The following EXOC6B variants were observed in gnomAD, a reference collection of about 807,000 sequenced individuals.
The protein encoded by EXOC6B is exocyst complex component 6B, also known as SEC15 homolog B.
In EXOC6B, 54 loss-of-function variants were observed where a neutral mutation model predicts 113.5. The ratio of observed to expected loss-of-function variants is 0.48; its 90% CI spans 0.38 to 0.60. EXOC6B has a LOEUF of 0.60. Ranked by LOEUF, EXOC6B falls within the 20% of genes least tolerant of loss-of-function variation. The pLI is 0.00. For synonymous variants in EXOC6B, 357 were observed against 339.0 expected, an observed-to-expected ratio of 1.05 and a Z score of -0.58; for missense variants, 797 against 977.5, an observed-to-expected ratio of 0.82 and a Z score of 2.46.
intron 1 of EXOC6B, among the ~76,000 whole-genome samples, chr2:72,749,707 T>G (rs1222799373): frequency 1.3e-5 from 2 of 151,968 alleles, no homozygotes; most frequent in Non-Finnish European, 2.9e-5. Flanking sequence ...GAATAATTTT[T>G]GGAACACTTC....
At chr2:72,741,779 T>C (rs972591000) in intron 1 of EXOC6B, among the ~76,000 whole-genome samples, 3 of 152,228 alleles carry the variant, frequency 2.0e-5, no homozygotes, top group African/African-American at 7.2e-5. Flanking sequence ...CAATTTTAGT[T>C]AAATTCAACT....
At position 72,248,683 on chromosome 2, in the gene EXOC6B, T is replaced by C. The variant is rs144407774; in HGVS notation, c.2197-64496A>G. 4.2e-3 allele frequency among the ~76,000 whole-genome samples: 635 copies of C among 152,352 alleles called. 4 individuals are homozygous for C. Among genetic ancestry groups the C allele is most frequent in the African/African-American group, 0.014 (598 of 41,596 alleles). ...AGAGTAAATGCTCGGTAAGTATTTG[T>C]AGAATAAATGAAAAAGAGTTTTACA... On this transcript the variant is annotated intron_variant, in intron 20 of 21. Coordinates refer to ENST00000272427, the MANE Select transcript of EXOC6B (RefSeq NM_015189.3).
intron 20 of EXOC6B, among the ~76,000 whole-genome samples, chr2:72,310,731 T>C (rs555454928): frequency 1.3e-5 from 2 of 152,284 alleles, no homozygotes; most frequent in South Asian, 4.1e-4. Flanking sequence ...TATTTAAGTA[T>C]GATGCTTCCT....
At chr2:72,755,128 C>T (rs1172844389) in intron 1 of EXOC6B, among the ~76,000 whole-genome samples, 1 of 152,024 alleles carries the variant, frequency 6.6e-6, no homozygotes, top group Non-Finnish European at 1.5e-5. Flanking sequence ...CCTATGAAGC[C>T]ATATGTGGTT....
In EXOC6B at chr2:72,411,101, TA is replaced by T. The variant is rs556504888; in HGVS notation, c.1981-31232del. Among the ~76,000 whole-genome samples the T allele has an allele frequency of 2.4e-3, 372 of 152,024 alleles. 1 individual carries two copies. Among genetic ancestry groups the T allele is most frequent in the African/African-American group, 6.2e-3 (256 of 41,462 alleles). ...GTGCACGCCTGTGGTCCCAGATACT[TA>T]GGAGGTGGAGGTGTGGGAGGGTCTC... On this transcript the variant is annotated intron_variant, in intron 18 of 21. Coordinates refer to ENST00000272427, the MANE Select transcript of EXOC6B (RefSeq NM_015189.3).
chr2:72,260,618 G>A (rs550430818), intron 20 of EXOC6B, among the ~76,000 whole-genome samples: 28 of 152,274 alleles, frequency 1.8e-4, no homozygotes, highest in African/African-American at 6.0e-4. Context: ...AGAAGACTCC[G>A]GCAAGGGGAG....
rs148895710 is a variant in EXOC6B at position 72,403,258 on chromosome 2, C to T, written c.1981-23388G>A. On this transcript the variant is annotated intron_variant, in intron 18 of 21. Transcript: ENST00000272427. ...TCCACACACCTGTAACTTTTTATTT[C>T]ACTTTATAACATTTTGAAACACTGC... Among the ~76,000 whole-genome samples, 745 of 152,288 alleles carry T rather than the reference C, an allele frequency of 4.9e-3. 10 individuals are homozygous for T. Among genetic ancestry groups the T allele is most frequent in the African/African-American group, 0.017 (691 of 41,562 alleles).
At chr2:72,640,464 T>C (rs964885448) in intron 6 of EXOC6B, among the ~76,000 whole-genome samples, 1 of 152,102 alleles carries the variant, frequency 6.6e-6, no homozygotes, top group Non-Finnish European at 1.5e-5. Context: ...CATGAGAACG[T>C]CCCCAACCTA....
At chr2:72,667,102 A>G (rs1675452714) in intron 6 of EXOC6B, among the ~76,000 whole-genome samples, 1 of 152,116 alleles carries the variant, frequency 6.6e-6, no homozygotes, top group African/African-American at 2.4e-5. Context: ...TGACCTCGAG[A>G]TCCACCCGCC....
intron 8 of EXOC6B, among the ~76,000 whole-genome samples, chr2:72,518,279 C>A (rs1701315861): frequency 6.6e-6 from 1 of 152,100 alleles, no homozygotes; most frequent in Non-Finnish European, 1.5e-5. Context: ...TACTTTATAT[C>A]ATTAGTATTA....
rs1682849142 is a variant in EXOC6B, at chr2:72,249,101, A to G, written c.2197-64914T>C. 2.0e-5 allele frequency among the ~76,000 whole-genome samples: 3 copies of G among 152,138 alleles called. No homozygotes were observed. The South Asian group carries it at 6.2e-4, about 31-fold the overall frequency. On this transcript the variant is annotated intron_variant, in intron 20 of 21. Coordinates refer to ENST00000272427, the MANE Select transcript of EXOC6B (RefSeq NM_015189.3). ...CAACATAGTGAGAGCGTGTGCCTCCAAAACAAATTTTAAAATTAGCCAGGC... is the reference window on the plus strand; with the variant it reads ...CAACATAGTGAGAGCGTGTGCCTCCGAAACAAATTTTAAAATTAGCCAGGC...
At chr2:72,485,347 C>T (rs1413587991) in intron 16 of EXOC6B, among the ~76,000 whole-genome samples, 1 of 152,166 alleles carries the variant, frequency 6.6e-6, no homozygotes, top group Non-Finnish European at 1.5e-5. Context: ...CAATTCAGTA[C>T]AATAAACCTT....
At chr2:72,412,415 T>C (rs994973870) in intron 18 of EXOC6B, among the ~76,000 whole-genome samples, 2 of 152,202 alleles carry the variant, frequency 1.3e-5, no homozygotes, top group Non-Finnish European at 2.9e-5. Context: ...AGAGTATGCA[T>C]AGTCATTGCA....
rs142178746 is a variant in EXOC6B, at chr2:72,405,127, T to C, written c.1981-25257A>G. On this transcript the variant is annotated intron_variant, in intron 18 of 21. Coordinates refer to ENST00000272427, the MANE Select transcript of EXOC6B (RefSeq NM_015189.3). ...TATCAGTGATGGAAGATGAAATGAA[T>C]GAAATGAAGTGAGAAGTTTAGAGAA... Among the ~76,000 whole-genome samples the C allele has an allele frequency of 4.4e-3, 671 of 152,056 alleles. 9 individuals are homozygous for C. The highest frequency in any genetic ancestry group is 0.015 in the African/African-American group (621 of 41,436).
intron 20 of EXOC6B, among the ~76,000 whole-genome samples, chr2:72,311,499 T>C (rs1034653557): frequency 6.6e-6 from 1 of 152,164 alleles, no homozygotes; most frequent in African/African-American, 2.4e-5. Context: ...CTTCTTCTTC[T>C]ACCTCATCTC....
Position 72,802,036 on chromosome 2 carries a change from A to G in EXOC6B, c.113+23762T>C, listed in dbSNP as rs551584703. On this transcript the variant is annotated intron_variant, in intron 1 of 21. Coordinates refer to ENST00000272427, the MANE Select transcript of EXOC6B (RefSeq NM_015189.3). ...CACATATATAAAGATGTAGTATAAG[A>G]ACTTGTGGCTGGGCACTGTGGCTCA... Among the ~76,000 whole-genome samples the G allele has an allele frequency of 2.0e-5, 3 of 152,318 alleles. No homozygotes were observed. The South Asian group carries it at 6.2e-4, about 32-fold the overall frequency.
chr2:72,250,106 T>C (rs1036658569), intron 20 of EXOC6B, among the ~76,000 whole-genome samples: 8 of 152,228 alleles, frequency 5.3e-5, no homozygotes, highest in African/African-American at 1.9e-4. Context: ...AAGAAAATCT[T>C]TCATGCAGAA....
chr2:72,596,973 G>A (rs956835324), intron 6 of EXOC6B, among the ~76,000 whole-genome samples: 2 of 151,028 alleles, frequency 1.3e-5, no homozygotes, highest in African/African-American at 4.8e-5. Flanking sequence ...GTCTATCAGA[G>A]AGGGTGGAAT....
chr2:72,820,523 C>T (rs1018586019), intron 1 of EXOC6B, among the ~76,000 whole-genome samples: 2 of 152,032 alleles, frequency 1.3e-5, no homozygotes, highest in Non-Finnish European at 2.9e-5. Context: ...TCTTATGATA[C>T]AGGAATTGAG....
Sources: allele counts gnomAD v4.1 joint callset (sites outside exome capture counted in the v4.1 genomes callset), GRCh38; gene constraint gnomAD v4.1.1; transcripts MANE v1.5; gene names NCBI Gene and HGNC (gene_info 2026-07-23, HGNC 2026-07-21).